WDR70: variants seen among roughly 807,000 people sequenced by gnomAD.
WDR70 encodes WD repeat-containing protein 70.
A neutral mutation model predicts 88.6 loss-of-function variants in WDR70; 53 were observed. That is an observed-to-expected ratio of 0.60 (90% CI 0.48 to 0.75). The LOEUF (loss-of-function observed/expected upper bound fraction) is 0.75. Ranked by LOEUF, WDR70 falls within the 30% of genes least tolerant of loss-of-function variation. The pLI, the probability that WDR70 is intolerant of heterozygous loss-of-function variation, is 0.00. For missense variants in WDR70, 610 were observed against 823.2 expected (o/e 0.74, Z 3.17); for synonymous variants, 280 against 270.0 (o/e 1.04, Z -0.36).
rs1219036019 is a variant in WDR70, at chr5:37,689,647, A to G, written c.1093-8008A>G. On this transcript the variant is annotated intron_variant, in intron 10 of 17. Transcript: ENST00000265107. Reference sequence around the variant, plus strand: ...ACTGTTAAAAGGAAAACTAACAAACAGAAAGGAATAGCATCAACATAAACA... The same window carrying G: ...ACTGTTAAAAGGAAAACTAACAAACGGAAAGGAATAGCATCAACATAAACA... 3.9e-5 allele frequency among the ~76,000 whole-genome samples: 6 copies of G among 152,256 alleles called. No homozygotes were observed. In the South Asian group the frequency reaches 1.2e-3, roughly 31 times the overall value.
intron 7 of WDR70, among the ~76,000 whole-genome samples, chr5:37,469,076 A>G (rs1381029478): frequency 6.6e-6 from 1 of 152,214 alleles, no homozygotes; most frequent in Non-Finnish European, 1.5e-5. Context: ...AGGTGGTGGT[A>G]AGTACCGTGG....
intron 10 of WDR70, among the ~76,000 whole-genome samples, chr5:37,615,355 A>C (rs1744306510): frequency 6.6e-6 from 1 of 152,130 alleles, no homozygotes; most frequent in East Asian, 1.9e-4. Flanking sequence ...AAAGACGCAC[A>C]CCAAGCCATG....
intron 5 of WDR70, among the ~76,000 whole-genome samples, chr5:37,415,584 C>T (rs1356589658): frequency 2.1e-5 from 3 of 141,304 alleles, no homozygotes; most frequent in East Asian, 2.3e-4. Flanking sequence ...ACCTCCCTCC[C>T]GGACGGGGCG....
At chr5:37,545,685 C>A (rs1320298338) in intron 9 of WDR70, among the ~76,000 whole-genome samples, 1 of 151,976 alleles carries the variant, frequency 6.6e-6, no homozygotes, top group African/African-American at 2.4e-5. Context: ...CCATGCCCAG[C>A]TAATTTTTTT....
intron 10 of WDR70, among the ~76,000 whole-genome samples, chr5:37,649,250 A>G (rs182916389): frequency 1.3e-5 from 2 of 152,158 alleles, no homozygotes; most frequent in Admixed American, 6.5e-5. Flanking sequence ...ATGACCATTC[A>G]GCTGCATCTA....
At chr5:37,457,622 T>C (rs1325641475) in intron 7 of WDR70, among the ~76,000 whole-genome samples, 1 of 152,220 alleles carries the variant, frequency 6.6e-6, no homozygotes, top group Non-Finnish European at 1.5e-5. Flanking sequence ...CAAGTTTATT[T>C]ATTATAGCAT....
Position 37,752,648 on chromosome 5 carries a change from G to T in WDR70, c.*75G>T, listed in dbSNP as rs1748849428. ...GTTTGGGTTTTTTTTTTATGCTCAT[G>T]AAATTAAAAATTCATTTTTATGAAC... On this transcript the variant is annotated 3_prime_UTR_variant, in exon 18 of 18. Transcript: ENST00000265107. The T allele has an allele frequency of 1.9e-6, 2 of 1,055,522 alleles. No individual in the cohort carries two copies. The highest frequency in any genetic ancestry group is 1.4e-6 in the Non-Finnish European group (1 of 720,370). The allele number at this position is 1,055,522 out of a possible 1,614,324, so 65.4% of individuals were successfully genotyped here.
intron 10 of WDR70, among the ~76,000 whole-genome samples, chr5:37,680,623 C>T (rs1581491308): frequency 6.6e-6 from 1 of 152,170 alleles, no homozygotes; most frequent in Non-Finnish European, 1.5e-5. Context: ...ATATGGCTAG[C>T]CAGTTCTCCT....
intron 9 of WDR70, among the ~76,000 whole-genome samples, chr5:37,561,253 T>C (rs543484249): frequency 6.6e-6 from 1 of 152,284 alleles, no homozygotes; most frequent in Admixed American, 6.5e-5. Flanking sequence ...ACGGGACAAT[T>C]TGTACTTCTT....
chr5:37,729,337 G>A (rs971517968), intron 17 of WDR70, among the ~76,000 whole-genome samples: 2 of 152,084 alleles, frequency 1.3e-5, no homozygotes, highest in African/African-American at 4.8e-5. Flanking sequence ...ACAAAGCTAG[G>A]AAATACATGT....
chr5:37,571,284 A>G (rs1581403421), intron 9 of WDR70, among the ~76,000 whole-genome samples: 1 of 152,190 alleles, frequency 6.6e-6, no homozygotes, highest in African/African-American at 2.4e-5. Flanking sequence ...CTATTCCAAA[A>G]GATGCATTGC....
chr5:37,535,777 C>A (rs760242526), intron 9 of WDR70, among the ~76,000 whole-genome samples: 1 of 152,068 alleles, frequency 6.6e-6, no homozygotes, highest in African/African-American at 2.4e-5. Flanking sequence ...TCACAGCAGT[C>A]GGATAGGTGG....
chr5:37,641,063 T>C (rs1745088981), intron 10 of WDR70, among the ~76,000 whole-genome samples: 1 of 152,200 alleles, frequency 6.6e-6, no homozygotes, highest in Admixed American at 6.5e-5. Context: ...CTATGATCAC[T>C]ACAAACCAAT....
intron 7 of WDR70, among the ~76,000 whole-genome samples, chr5:37,453,349 A>G (rs1738733091): frequency 6.6e-6 from 1 of 152,362 alleles, no homozygotes; most frequent in East Asian, 1.9e-4. Flanking sequence ...CATTGTTTCT[A>G]TAGATATTCG....
intron 10 of WDR70, among the ~76,000 whole-genome samples, chr5:37,621,931 T>C (rs576919996): frequency 6.6e-6 from 1 of 152,324 alleles, no homozygotes; most frequent in East Asian, 1.9e-4. Context: ...GGATCCAGTT[T>C]CAGCTTTCTA....
intron 8 of WDR70, among the ~76,000 whole-genome samples, chr5:37,488,301 A>G (rs377766374): frequency 3.3e-5 from 5 of 151,656 alleles, no homozygotes; most frequent in Middle Eastern, 3.4e-3. Context: ...GGTTGTATCT[A>G]TATGGGAATC....
intron 17 of WDR70, among the ~76,000 whole-genome samples, chr5:37,730,386 T>C (rs766459069): frequency 1.3e-5 from 2 of 152,136 alleles, no homozygotes; most frequent in South Asian, 2.1e-4. Context: ...TGAGGTATGA[T>C]TGATTTAAAG....
rs1185330510 is a variant in WDR70, at chr5:37,612,579, A to G, written c.1092+7341A>G. Among the ~76,000 whole-genome samples, 10 of 152,020 alleles carry G rather than the reference A, an allele frequency of 6.6e-5. No homozygotes were observed. The East Asian group carries it at 1.9e-3, about 29-fold the overall frequency. ...CTGGTCTTCGTCTTTTTTCTTTTTAACTCCTAGGGTACTTACAGTTTTTGT... is the reference window on the plus strand; with the variant it reads ...CTGGTCTTCGTCTTTTTTCTTTTTAGCTCCTAGGGTACTTACAGTTTTTGT... On this transcript the variant is annotated intron_variant, in intron 10 of 17. Coordinates refer to ENST00000265107, the MANE Select transcript of WDR70 (RefSeq NM_018034.4).
At chr5:37,683,701 G>A (rs901577632) in intron 10 of WDR70, among the ~76,000 whole-genome samples, 1 of 152,180 alleles carries the variant, frequency 6.6e-6, no homozygotes, top group African/African-American at 2.4e-5. Context: ...GGTTTCTGCT[G>A]AGAGGTCCAC....
Sources: allele counts gnomAD v4.1 joint callset (sites outside exome capture counted in the v4.1 genomes callset), GRCh38; gene constraint gnomAD v4.1.1; transcripts MANE v1.5; gene names NCBI Gene and HGNC (gene_info 2026-07-23, HGNC 2026-07-21).